Variants in CSMD1 observed in about 807,000 individuals in gnomAD.
The protein encoded by CSMD1 is CUB and sushi domain-containing protein 1.
CSMD1 carries 213 observed loss-of-function variants against 417.5 expected under a neutral mutation model. That is an observed-to-expected ratio of 0.51 (90% CI 0.46 to 0.57). The LOEUF (loss-of-function observed/expected upper bound fraction) is 0.57, where lower values mean the gene tolerates loss of function less well. CSMD1 is among the 20% of genes least tolerant of loss of function. CSMD1 has a pLI of 0.00. For synonymous variants in CSMD1, 2,862 were observed against 1,736.8 expected, an observed-to-expected ratio of 1.65 and a Z score of -16.11; for missense variants, 6,923 against 4,529.7, an observed-to-expected ratio of 1.53 and a Z score of -15.17.
rs114153514 is a variant in CSMD1, at chr8:4,718,312, A to T, written c.86-80754T>A. 7.6e-3 allele frequency among the ~76,000 whole-genome samples: 1,154 copies of T among 152,296 alleles called. 8 individuals carry two copies. The highest frequency in any genetic ancestry group is 0.026 in the African/African-American group (1,066 of 41,558). ...ATCAAAATTTTAAAAAACATATATA[A>T]CGATTTCTTATATTAACAATCAATT... On this transcript the variant is annotated intron_variant, in intron 1 of 69. Coordinates refer to ENST00000635120, the MANE Select transcript of CSMD1 (RefSeq NM_033225.6).
chr8:3,644,966 G>GAAAAA (rs71203456), intron 7 of CSMD1, among the ~76,000 whole-genome samples: 770 of 64,484 alleles, frequency 0.012, 72 homozygotes, highest in African/African-American at 0.053. Flanking sequence ...GGCTTTAAAT[G>GAAAAA]AAAAAAAAAA....
At chr8:4,066,580 T>C (rs577482936) in intron 3 of CSMD1, among the ~76,000 whole-genome samples, 1 of 152,330 alleles carries the variant, frequency 6.6e-6, no homozygotes, top group South Asian at 2.1e-4. Flanking sequence ...GTGGTAATTG[T>C]AGTTCACGTG....
chr8:4,816,076 G>A (rs1253621272), intron 1 of CSMD1, among the ~76,000 whole-genome samples: 3 of 152,200 alleles, frequency 2.0e-5, no homozygotes, highest in Non-Finnish European at 4.4e-5. Flanking sequence ...ACTGGGTTTA[G>A]GGAGCAGAAC....
intron 3 of CSMD1, among the ~76,000 whole-genome samples, chr8:4,256,383 A>G (rs555649312): frequency 6.6e-6 from 1 of 152,144 alleles, no homozygotes; most frequent in African/African-American, 2.4e-5. Flanking sequence ...TCTGATTACT[A>G]CACCCCTCTG....
chr8:3,363,652 T>A (rs1459800632), intron 20 of CSMD1, among the ~76,000 whole-genome samples: 2 of 152,160 alleles, frequency 1.3e-5, no homozygotes, highest in Non-Finnish European at 1.5e-5. Flanking sequence ...CTCAGTCTCC[T>A]GAGTAGCTGC....
At chr8:3,242,353 G>C (rs1053333276) in intron 26 of CSMD1, among the ~76,000 whole-genome samples, 3 of 151,608 alleles carry the variant, frequency 2.0e-5, no homozygotes, top group African/African-American at 7.3e-5. Context: ...AGCGACGCTT[G>C]GGGTTGGGAC....
At chr8:3,374,339 T>A (rs186362388) in intron 18 of CSMD1, among the ~76,000 whole-genome samples, 1 of 152,266 alleles carries the variant, frequency 6.6e-6, no homozygotes, top group East Asian at 1.9e-4. Context: ...TAGAGTTACT[T>A]ATTAAGAAAC....
At chr8:4,388,321 G>GACACACACACACACACACACACACAC (rs71205453) in intron 3 of CSMD1, among the ~76,000 whole-genome samples, 2 of 95,590 alleles carry the variant, frequency 2.1e-5, no homozygotes, top group East Asian at 2.8e-4. Flanking sequence ...CACACACACA[G>GACACACACACACACACACACACACAC]ACACACACAC....
intron 1 of CSMD1, among the ~76,000 whole-genome samples, chr8:4,925,134 G>C (rs1026944230): frequency 5.4e-5 from 8 of 149,296 alleles, no homozygotes; most frequent in Admixed American, 1.3e-4. Flanking sequence ...TGAATGTTTA[G>C]TCCCTGAGCA....
intron 3 of CSMD1, among the ~76,000 whole-genome samples, chr8:4,103,932 G>A (rs531337221): frequency 1.3e-5 from 2 of 152,292 alleles, no homozygotes; most frequent in African/African-American, 2.4e-5. Flanking sequence ...TGCCTGTGTT[G>A]CAACATTCAC....
At chr8:4,044,476 T>C (rs1467533294) in intron 3 of CSMD1, among the ~76,000 whole-genome samples, 1 of 152,142 alleles carries the variant, frequency 6.6e-6, no homozygotes, top group Admixed American at 6.5e-5. Context: ...GAGGGTCACA[T>C]CTCAGGGGAC....
At chr8:3,286,399 C>T (rs779798003) in intron 25 of CSMD1, among the ~76,000 whole-genome samples, 19 of 152,162 alleles carry the variant, frequency 1.2e-4, no homozygotes, top group African/African-American at 4.3e-4. Flanking sequence ...GAGGAATGGC[C>T]ACACTGACTT....
chr8:3,220,770 G>C (rs1042675531), intron 28 of CSMD1, among the ~76,000 whole-genome samples: 1 of 152,192 alleles, frequency 6.6e-6, no homozygotes, highest in Non-Finnish European at 1.5e-5. Flanking sequence ...AGCGGAGGTT[G>C]CAGTGAGTCA....
intron 5 of CSMD1, among the ~76,000 whole-genome samples, chr8:3,957,263 C>T (rs1018172474): frequency 6.6e-6 from 1 of 152,206 alleles, no homozygotes; most frequent in East Asian, 1.9e-4. Context: ...GTTTCACTAT[C>T]GCAGTGGGGA....
chr8:3,670,143 G>C (rs938400689), intron 7 of CSMD1, among the ~76,000 whole-genome samples: 6 of 152,052 alleles, frequency 3.9e-5, no homozygotes, highest in African/African-American at 7.2e-5. Context: ...GATGCCAAAG[G>C]AGATTAATAT....
At chr8:4,300,904 T>C (rs1367143200) in intron 3 of CSMD1, among the ~76,000 whole-genome samples, 1 of 152,212 alleles carries the variant, frequency 6.6e-6, no homozygotes, top group Non-Finnish European at 1.5e-5. Context: ...ATGGTGTATA[T>C]GTGCCACATT....
rs576212659 is a variant in CSMD1 at position 3,230,327 on chromosome 8, T to C, written c.4154-96A>G. ...TTCTTGTGGGTTGAAGCACTCTTCA[T>C]TGGCCTAATAAGTCATTTGTCTACA... On this transcript the variant is annotated intron_variant, in intron 26 of 69. Coordinates refer to ENST00000635120, the MANE Select transcript of CSMD1 (RefSeq NM_033225.6). The C allele has an allele frequency of 1.9e-5, 18 of 954,066 alleles. No individual in the cohort carries two copies. In the East Asian group the frequency reaches 2.2e-4, roughly 12 times the overall value. 59.1% of individuals were successfully genotyped at this position (954,066 alleles called of 1,614,324 possible). A position where few individuals can be genotyped will look rare whatever the true frequency, so the allele number is the denominator to read the frequency against.
chr8:4,027,004 A>G (rs1405574437), intron 4 of CSMD1, among the ~76,000 whole-genome samples: 1 of 152,240 alleles, frequency 6.6e-6, no homozygotes, highest in Non-Finnish European at 1.5e-5. Context: ...ACTATGACAG[A>G]TAATAAGCTA....
chr8:3,466,913 A>T (rs1272187546), intron 12 of CSMD1, among the ~76,000 whole-genome samples: 4 of 152,138 alleles, frequency 2.6e-5, no homozygotes, highest in Non-Finnish European at 5.9e-5. Context: ...TTAATTTTTT[A>T]AAATCCTCAA....
Sources: allele counts gnomAD v4.1 joint callset (sites outside exome capture counted in the v4.1 genomes callset), GRCh38; gene constraint gnomAD v4.1.1; transcripts MANE v1.5; gene names NCBI Gene and HGNC (gene_info 2026-07-23, HGNC 2026-07-21).